The following RYR1 variants were observed in gnomAD, a reference collection of about 807,000 sequenced individuals.
The protein encoded by RYR1 is central core disease of muscle.
Under a neutral mutation model 583.5 loss-of-function variants are expected in RYR1, and 342 were observed. The observed-to-expected ratio is 0.59, with a 90% CI of 0.54 to 0.64. The LOEUF (loss-of-function observed/expected upper bound fraction) is 0.64, where lower values mean the gene tolerates loss of function less well. Ranked by LOEUF, RYR1 falls within the 30% of genes least tolerant of loss-of-function variation. RYR1 has a pLI of 0.00. For missense variants in RYR1, 6,032 were observed against 6,917.2 expected, an observed-to-expected ratio of 0.87 and a Z score of 4.54; for synonymous variants, 2,791 against 2,822.5, an observed-to-expected ratio of 0.99 and a Z score of 0.35.
At chr19:38,540,921 G>A (rs2960316) in intron 84 of RYR1, among the ~76,000 whole-genome samples, 2 of 141,488 alleles carry the variant, frequency 1.4e-5, no homozygotes, top group East Asian at 4.6e-4. Context: ...ATACTACAGT[G>A]TAATAAACCT....
Position 38,455,466 on chromosome 19 carries a change from G to C in RYR1, c.1592G>C (p.Gly531Ala). 1 of 1,614,146 alleles carries C rather than the reference G, an allele frequency of 6.2e-7. No individual in the cohort carries two copies. Among genetic ancestry groups the C allele is most frequent in the Non-Finnish European group, 8.5e-7 (1 of 1,180,036 alleles). Residue 531 changes from glycine (G) to alanine (A), a missense_variant, in exon 15 of 106, where the codon GGC becomes GCC. Around this residue, in one of 11 missense-constraint regions of RYR1, gnomAD observed 2,627 missense variants for 2,961.3 expected, o/e 0.89. Coordinates refer to ENST00000359596, the MANE Select transcript of RYR1 (RefSeq NM_000540.3). ...CCCCCCTCAGCTTCTCTAATCCGTGGCAATCGTAGCAACTGTGCCCTCTTC... is the reference window on the plus strand; with the variant it reads ...CCCCCCTCAGCTTCTCTAATCCGTGCCAATCGTAGCAACTGTGCCCTCTTC... ...LYELLASLIR[G>A]NRSNCALFST... is the part of the protein sequence containing the mutation.
intron 65 of RYR1, among the ~76,000 whole-genome samples, chr19:38,517,010 G>A (rs1272710718): frequency 1.3e-5 from 2 of 152,136 alleles, no homozygotes; most frequent in African/African-American, 2.4e-5. Flanking sequence ...GAGACAAGGC[G>A]GGGAGACAGG....
At position 38,499,161 on chromosome 19, in the gene RYR1, C is replaced by CA; in HGVS notation, c.6948dup (p.Gly2317ArgfsTer46). ...TCCAGAGCTGCCCCATGCTTGTGGC[C>CA]AAAGGGTACCCAGACATTGGCTGGA... On this transcript the variant is annotated frameshift_variant, in exon 43 of 106. Coordinates refer to ENST00000359596, the MANE Select transcript of RYR1 (RefSeq NM_000540.3). LOFTEE classifies it high-confidence loss of function. The surrounding 1 kb of genome is among the most constrained non-coding windows in gnomAD (Gnocchi z 7.3). 1 of 1,614,176 alleles carries CA rather than the reference C, an allele frequency of 6.2e-7. No homozygotes were observed. Among genetic ancestry groups the CA allele is most frequent in the South Asian group, 1.1e-5 (1 of 91,090 alleles).
chr19:38,515,851 G>A (rs1970943785), intron 64 of RYR1, among the ~76,000 whole-genome samples: 1 of 152,168 alleles, frequency 6.6e-6, no homozygotes, highest in African/African-American at 2.4e-5. Flanking sequence ...TGAGGTGGGA[G>A]GATCACTTGA....
chr19:38,569,112 G>A (rs552014845), intron 93 of RYR1, among the ~76,000 whole-genome samples: 60 of 152,028 alleles, frequency 3.9e-4, no homozygotes, highest in African/African-American at 1.3e-3. Flanking sequence ...CTGGGTTCAC[G>A]CCATTCTCCT....
At position 38,463,462 on chromosome 19, in the gene RYR1, C is replaced by T. The variant is rs2145433080; in HGVS notation, c.2617C>T (p.Leu873=). Residue 873 remains leucine, a synonymous_variant, in exon 21 of 106, where the codon CTG becomes TTG. Transcript: ENST00000359596. ...PPHLERIREK[L]AENIHELWAL... ...CCATCTGGAGCGCATTCGGGAGAAG[C>T]TGGCGGAGAACATCCACGAGCTCTG... 1 of 1,613,954 alleles carries T rather than the reference C, an allele frequency of 6.2e-7. No homozygotes were observed. Among genetic ancestry groups the T allele is most frequent in the Non-Finnish European group, 8.5e-7 (1 of 1,180,028 alleles).
At chr19:38,501,066 A>T in intron 47 of RYR1, 76 bp downstream of exon 47, 2 of 1,419,386 alleles carry the variant, frequency 1.4e-6, no homozygotes, top group Non-Finnish European at 2.0e-6. Context: ...GTAGAGCAGC[A>T]GCAGCTGCTT....
intron 91 of RYR1, among the ~76,000 whole-genome samples, chr19:38,566,234 A>T (rs765350210): frequency 2.6e-5 from 4 of 151,866 alleles, no homozygotes; most frequent in Non-Finnish European, 5.9e-5. Flanking sequence ...CGATCACCTG[A>T]GGTCAGGAGT....
In RYR1 at chr19:38,510,710, C is replaced by A; in HGVS notation, c.9051C>A (p.Phe3017Leu). The A allele has an allele frequency of 6.2e-7, 1 of 1,614,170 alleles. No individual in the cohort carries two copies. The highest frequency in any genetic ancestry group is 8.5e-7 in the Non-Finnish European group (1 of 1,180,034). The stretch of plus-strand genomic sequence containing the variant: ...ACTTCACCAACCACTGCCTCTATTT[C>A]TTGTCCACTCCGGCTAAAGTGCTGG... Reference protein sequence around the residue: ...NQYFTNHCLYFLSTPAKVLGS... With the variant: ...NQYFTNHCLYLLSTPAKVLGS... The change falls in exon 60 of 106, where the codon TTC (phenylalanine) becomes TTA (leucine). Residue 3017 changes from phenylalanine (F) to leucine (L), a missense_variant. Phe to Leu is a conservative substitution (Grantham distance 22, BLOSUM62 0). Coordinates refer to ENST00000359596, the MANE Select transcript of RYR1 (RefSeq NM_000540.3).
chr19:38,523,825 G>T (rs58776402), intron 69 of RYR1, 90 bp from the exon 70 acceptor site: 12 of 1,554,636 alleles, frequency 7.7e-6, no homozygotes, highest in South Asian at 6.7e-5. Flanking sequence ...GGCAGAGGAG[G>T]TGGGGTGCTG....
In RYR1 at chr19:38,520,294, G is replaced by A. The variant is rs532829259; in HGVS notation, c.10259+840G>A. ...TTGCCCAGGTTGGTCTTGAATTCCC[G>A]GGGTCAAGTGATCCTCCCACCTCAG... On this transcript the variant is annotated intron_variant, in intron 67 of 105. Coordinates refer to ENST00000359596, the MANE Select transcript of RYR1 (RefSeq NM_000540.3). Among the ~76,000 whole-genome samples, 19 of 150,486 alleles carry A rather than the reference G, an allele frequency of 1.3e-4. No individual in the cohort carries two copies. The South Asian group carries it at 4.0e-3, about 32-fold the overall frequency.
At chr19:38,489,148 C>T in intron 34 of RYR1, 29 bp from the exon 35 acceptor site, 3 of 1,611,140 alleles carry the variant, frequency 1.9e-6, no homozygotes, top group Non-Finnish European at 2.5e-6. Context: ...TTGCAGGCCA[C>T]AGTGAAGAAC....
intron 1 of RYR1, among the ~76,000 whole-genome samples, chr19:38,438,904 C>T (rs112184750): frequency 0.035 from 5,338 of 152,024 alleles, 322 homozygotes; most frequent in African/African-American, 0.11. Context: ...AGGCGTGAGC[C>T]GCCGTGCCTG....
Position 38,463,551 on chromosome 19 carries a change from G to A in RYR1, c.2682+24G>A, listed in dbSNP as rs200235370. On this transcript the variant is annotated intron_variant, in intron 21 of 105. Coordinates refer to ENST00000359596, the MANE Select transcript of RYR1 (RefSeq NM_000540.3). ...CGGTGAGGGGCTGCCTGCAGCCTGC[G>A]GGAGGCCGGCTAGACTTGCGGTGCC... is the stretch of plus-strand genomic sequence containing the variant. 1,458 of 1,603,126 alleles carry A rather than the reference G, an allele frequency of 9.1e-4. 1 individual carries two copies. The highest frequency in any genetic ancestry group is 1.1e-3 in the Non-Finnish European group (1,240 of 1,172,686).
Position 38,507,704 on chromosome 19 carries a change from C to G in RYR1, c.8817-8C>G. The G allele has an allele frequency of 6.4e-7, 1 of 1,574,762 alleles. No homozygotes were observed. The highest frequency in any genetic ancestry group is 1.7e-4 in the Middle Eastern group (1 of 5,988). On this transcript the variant is annotated splice_region_variant and splice_polypyrimidine_tract_variant and intron_variant, in intron 57 of 105. Coordinates refer to ENST00000359596, the MANE Select transcript of RYR1 (RefSeq NM_000540.3). ...TGGGCTGATCCTTCTCTCCACATCT[C>G]CATGCAGAGGCCTTAAGGACATGGA...
chr19:38,519,228 A>G lies in RYR1; in HGVS notation c.10033A>G (p.Ile3345Val). The G allele has an allele frequency of 1.2e-6, 2 of 1,614,078 alleles. No homozygotes were observed. The highest frequency in any genetic ancestry group is 2.2e-5 in the East Asian group (1 of 44,854). The change falls in exon 67 of 106, where the codon ATT (isoleucine) becomes GTT (valine). Residue 3345 changes from isoleucine (I) to valine (V), a missense_variant. By Grantham distance (29) the Ile-to-Val change is conservative. This residue lies in a region of RYR1 where 1,493 missense variants were observed against 1,715.5 expected (regional missense o/e 0.87). Transcript: ENST00000359596. ...MKRLAVFAQP[I>V]VSRARPELLQ... Reference sequence around the variant, plus strand: ...CACCCCTGCAGTGTTCGCACAGCCCATTGTGAGCCGTGCACGGCCGGAGCT... The same window carrying G: ...CACCCCTGCAGTGTTCGCACAGCCCGTTGTGAGCCGTGCACGGCCGGAGCT...
intron 96 of RYR1, 142 bp downstream of exon 96, chr19:38,573,449 AG>A (rs1973817817): frequency 2.8e-6 from 3 of 1,067,952 alleles, no homozygotes; most frequent in Non-Finnish European, 3.9e-6. Context: ...TGGGAGGCTA[AG>A]GCGGGCGGAT....
Position 38,569,396 on chromosome 19 carries a change from GT to G in RYR1, c.13660-1204del, listed in dbSNP as rs201862411. On this transcript the variant is annotated intron_variant, in intron 93 of 105. Coordinates refer to ENST00000359596, the MANE Select transcript of RYR1 (RefSeq NM_000540.3). The stretch of plus-strand genomic sequence containing the variant: ...CAGTGCACCCAGAGTAGCCAAAAAT[GT>G]TTTTTTAATTAGCTGGGTGAGGTGA... Among the ~76,000 whole-genome samples the G allele has an allele frequency of 7.9e-3, 1,201 of 151,856 alleles. 20 individuals are homozygous for G. The highest frequency in any genetic ancestry group is 0.028 in the African/African-American group (1,160 of 41,404).
chr19:38,484,603 C>T (rs1644188238), intron 33 of RYR1, among the ~76,000 whole-genome samples: 1 of 152,104 alleles, frequency 6.6e-6, no homozygotes, highest in Non-Finnish European at 1.5e-5. Context: ...ACTCAGGATG[C>T]TCGGACATGC....
Sources: gnomAD v4.1 joint callset for allele counts (sites outside exome capture counted in the v4.1 genomes callset) on GRCh38, gnomAD v4.1.1 for gene constraint, gnomAD v4.1.1 regional missense constraint, Gnocchi (gnomAD v3.1) non-coding constraint, MANE v1.5 for transcripts, NCBI Gene and HGNC (gene_info 2026-07-23, HGNC 2026-07-21) for gene names.